The following KAZN variants were observed in gnomAD, a reference collection of about 807,000 sequenced individuals.
KAZN encodes the protein kazrin.
KAZN carries 40 observed loss-of-function variants against 87.4 expected under a neutral mutation model. The observed-to-expected ratio is 0.46, with a 90% CI of 0.36 to 0.60. KAZN has a LOEUF of 0.60. KAZN is among the 20% of genes least tolerant of loss of function. The probability of loss-of-function intolerance (pLI) is 0.00; values close to 1 mark genes in which losing one functional copy is unlikely to be tolerated. For missense variants in KAZN, 898 were observed against 1,073.9 expected (o/e 0.84, Z 2.29); for synonymous variants, 466 against 458.3 (o/e 1.02, Z -0.22).
chr1:14,793,324 G>GGATGTTT (rs34811702), intron 1 of KAZN, among the ~76,000 whole-genome samples: 39,985 of 151,984 alleles, frequency 0.26, 5,735 homozygotes, highest in Non-Finnish European at 0.32. Flanking sequence ...ATTTTCCCAG[G>GGATGTTT]CTCCTTTAAG....
At chr1:13,924,711 T>G (rs1479329938) in intron 1 of KAZN, among the ~76,000 whole-genome samples, 1 of 152,204 alleles carries the variant, frequency 6.6e-6, no homozygotes, top group Non-Finnish European at 1.5e-5. Flanking sequence ...AGCAATTGCT[T>G]CGAGTTGTCT....
At chr1:14,681,469 C>T (rs1376089590) in intron 1 of KAZN, among the ~76,000 whole-genome samples, 5 of 151,014 alleles carry the variant, frequency 3.3e-5, no homozygotes, top group Admixed American at 3.3e-4. Flanking sequence ...CTGGACAGAC[C>T]AACTCATGAC....
chr1:14,277,530 G>A (rs1237495105), intron 2 of KAZN, among the ~76,000 whole-genome samples: 1 of 152,176 alleles, frequency 6.6e-6, no homozygotes. Flanking sequence ...TGGGCATGGT[G>A]GCAGGCGCCT....
chr1:13,953,636 G>A (rs1641435709), intron 1 of KAZN, among the ~76,000 whole-genome samples: 1 of 151,798 alleles, frequency 6.6e-6, no homozygotes, highest in African/African-American at 2.4e-5. Context: ...GAAGCTTTTA[G>A]AGTTTTCTTT....
At chr1:15,036,070 G>A (rs75376216) in intron 3 of KAZN, among the ~76,000 whole-genome samples, 14,270 of 151,910 alleles carry the variant, frequency 0.094, 736 homozygotes, top group African/African-American at 0.11. Flanking sequence ...GTCACCTCCC[G>A]GGCATGCACA....
chr1:14,064,443 C>T (rs1176662502), intron 1 of KAZN, among the ~76,000 whole-genome samples: 1 of 152,232 alleles, frequency 6.6e-6, no homozygotes, highest in Admixed American at 6.5e-5. Flanking sequence ...CACTCTGCTG[C>T]AGCCTCTCAG....
chr1:13,979,791 C>T (rs1005092150), intron 1 of KAZN, among the ~76,000 whole-genome samples: 9 of 151,956 alleles, frequency 5.9e-5, no homozygotes, highest in East Asian at 3.9e-4. Context: ...ATTAACCAGG[C>T]GTAGTGGCAG....
At position 14,901,208 on chromosome 1, in the gene KAZN, C is replaced by A. The variant is rs547687437; in HGVS notation, c.227-59476C>A. 3.3e-5 allele frequency among the ~76,000 whole-genome samples: 5 copies of A among 152,304 alleles called. No individual in the cohort carries two copies. The East Asian group carries it at 9.7e-4, about 29-fold the overall frequency. On this transcript the variant is annotated intron_variant, in intron 1 of 14. Coordinates refer to ENST00000376030, the MANE Select transcript of KAZN (RefSeq NM_201628.3). ...GGTCCCCTGGAGAGCTGGCACCTGACGTAGACCTGAATGGCATCTGTCGGA... is the reference window on the plus strand; with the variant it reads ...GGTCCCCTGGAGAGCTGGCACCTGAAGTAGACCTGAATGGCATCTGTCGGA...
At chr1:14,059,912 G>T (rs1642720707) in intron 1 of KAZN, among the ~76,000 whole-genome samples, 1 of 152,072 alleles carries the variant, frequency 6.6e-6, no homozygotes, top group Non-Finnish European at 1.5e-5. Context: ...GCTTTCCTTT[G>T]ATTTATTTGC....
rs112823472 is a variant in KAZN, at chr1:14,472,210, C to T, written c.250-126773C>T. Among the ~76,000 whole-genome samples the T allele has an allele frequency of 5.0e-3, 755 of 152,304 alleles. 5 individuals are homozygous for T. The highest frequency in any genetic ancestry group is 0.017 in the African/African-American group (727 of 41,572). On this transcript the variant is annotated intron_variant, in intron 2 of 16. Coordinates refer to the KAZN transcript ENST00000636203. ...TGAAAGGCCCCACCTGTACTACGGA[C>T]ACATTGTAGATTAGGTTTCAAGATA...
chr1:14,117,075 T>G (rs1477260518), intron 1 of KAZN, among the ~76,000 whole-genome samples: 1 of 152,242 alleles, frequency 6.6e-6, no homozygotes, highest in Non-Finnish European at 1.5e-5. Flanking sequence ...GGACTTGCCT[T>G]GTCTTGGATG....
intron 1 of KAZN, among the ~76,000 whole-genome samples, chr1:14,132,724 G>T (rs1457603923): frequency 6.6e-6 from 1 of 152,096 alleles, no homozygotes; most frequent in African/African-American, 2.4e-5. Context: ...ATGGAATATT[G>T]AATTAACAAT....
intron 1 of KAZN, among the ~76,000 whole-genome samples, chr1:14,749,631 C>G (rs187661504): frequency 6.6e-6 from 1 of 152,158 alleles, no homozygotes; most frequent in African/African-American, 2.4e-5. Flanking sequence ...GAGGAGTATT[C>G]CCAGTAGGTT....
intron 2 of KAZN, among the ~76,000 whole-genome samples, chr1:14,969,133 G>C (rs546514791): frequency 2.6e-5 from 4 of 152,252 alleles, no homozygotes; most frequent in Non-Finnish European, 5.9e-5. Context: ...AGACAGTGGG[G>C]TAGTAGGTGG....
intron 2 of KAZN, among the ~76,000 whole-genome samples, chr1:14,564,069 A>T (rs759656965): frequency 4.0e-5 from 6 of 151,780 alleles, no homozygotes; most frequent in African/African-American, 1.5e-4. Flanking sequence ...GGGTTTCACC[A>T]TGTTGGCCAG....
At chr1:14,869,042 A>G (rs943119061) in intron 1 of KAZN, among the ~76,000 whole-genome samples, 3 of 152,052 alleles carry the variant, frequency 2.0e-5, no homozygotes, top group African/African-American at 7.2e-5. Flanking sequence ...AGGATGCCAG[A>G]TTCCCCTTCT....
chr1:14,848,523 CT>C (rs1248303230), intron 1 of KAZN, among the ~76,000 whole-genome samples: 3 of 152,258 alleles, frequency 2.0e-5, no homozygotes, highest in Non-Finnish European at 4.4e-5. Context: ...AAGACAACTC[CT>C]TGTCGAGGAA....
intron 1 of KAZN, among the ~76,000 whole-genome samples, chr1:13,937,640 A>G (rs1640788325): frequency 6.6e-6 from 1 of 152,184 alleles, no homozygotes; most frequent in Admixed American, 6.5e-5. Context: ...GTTTTCTTCA[A>G]GGATTTTTAG....
At chr1:14,793,785 A>G (rs974866129) in intron 1 of KAZN, among the ~76,000 whole-genome samples, 2 of 151,502 alleles carry the variant, frequency 1.3e-5, no homozygotes, top group Admixed American at 6.6e-5. Flanking sequence ...GACTTGAGAC[A>G]GATCAGAACA....
Sources: allele counts gnomAD v4.1 joint callset (sites outside exome capture counted in the v4.1 genomes callset), GRCh38; gene constraint gnomAD v4.1.1; transcripts MANE v1.5; gene names NCBI Gene and HGNC (gene_info 2026-07-23, HGNC 2026-07-21).